Variants in LRRTM4 observed in about 807,000 individuals in gnomAD.
The protein encoded by LRRTM4 is leucine-rich repeat transmembrane neuronal protein 4.
Under a neutral mutation model 47.6 loss-of-function variants are expected in LRRTM4, and 25 were observed. The observed-to-expected ratio is 0.53, with a 90% confidence interval of 0.38 to 0.73. The LOEUF (loss-of-function observed/expected upper bound fraction) is 0.73, where lower values mean the gene tolerates loss of function less well. Ranked by LOEUF, LRRTM4 falls within the 30% of genes least tolerant of loss-of-function variation. The pLI is 0.00. For missense variants in LRRTM4, 638 were observed against 713.4 expected (o/e 0.89, Z 1.20); for synonymous variants, 311 against 269.5 (o/e 1.15, Z -1.51).
At chr2:77,485,662 C>T (rs918080982) in intron 3 of LRRTM4, among the ~76,000 whole-genome samples, 3 of 152,150 alleles carry the variant, frequency 2.0e-5, no homozygotes, top group Non-Finnish European at 4.4e-5. Flanking sequence ...ACAAGACAGC[C>T]TGGAAGCACT....
chr2:77,170,504 G>A (rs1673016036), intron 3 of LRRTM4, among the ~76,000 whole-genome samples: 1 of 152,050 alleles, frequency 6.6e-6, no homozygotes, highest in Admixed American at 6.6e-5. Context: ...GAGAAACCTG[G>A]GTGAGACTTC....
intron 3 of LRRTM4, among the ~76,000 whole-genome samples, chr2:77,079,704 T>C (rs1680468727): frequency 6.6e-6 from 1 of 152,164 alleles, no homozygotes; most frequent in Admixed American, 6.5e-5. Context: ...ATTCCTGATC[T>C]TCCTGTTTCT....
intron 3 of LRRTM4, among the ~76,000 whole-genome samples, chr2:76,814,299 T>A (rs972778034): frequency 6.6e-6 from 1 of 152,146 alleles, no homozygotes; most frequent in African/African-American, 2.4e-5. Flanking sequence ...TTAAGCCAAG[T>A]GTTACAACAA....
intron 3 of LRRTM4, among the ~76,000 whole-genome samples, chr2:76,905,145 G>T (rs1196451264): frequency 6.6e-6 from 1 of 152,100 alleles, no homozygotes; most frequent in East Asian, 1.9e-4. Flanking sequence ...ACTCCTCTGA[G>T]ACAAAACTTC....
At chr2:77,439,044 G>C (rs890947600) in intron 3 of LRRTM4, among the ~76,000 whole-genome samples, 8 of 152,100 alleles carry the variant, frequency 5.3e-5, no homozygotes, top group African/African-American at 1.9e-4. Flanking sequence ...AACTCAAAAC[G>C]TCTCTTATAG....
At position 77,372,508 on chromosome 2, in the gene LRRTM4, C is replaced by A. The variant is rs558129151; in HGVS notation, c.1551+145810G>T. On this transcript the variant is annotated intron_variant, in intron 3 of 3. Coordinates refer to ENST00000409884, the MANE Select transcript of LRRTM4 (RefSeq NM_001134745.3). The stretch of plus-strand genomic sequence containing the variant: ...CAAGAATAATGCTGATTTTGGAATG[C>A]CCTTACTAATAAATCATAAATCACC... Among the ~76,000 whole-genome samples, 26 of 151,728 alleles carry A rather than the reference C, an allele frequency of 1.7e-4. No individual in the cohort carries two copies. The South Asian group carries it at 5.4e-3, about 31-fold the overall frequency.
At chr2:76,866,677 T>C (rs1672478362) in intron 3 of LRRTM4, among the ~76,000 whole-genome samples, 2 of 152,196 alleles carry the variant, frequency 1.3e-5, no homozygotes, top group Admixed American at 1.3e-4. Flanking sequence ...AATGATAGAC[T>C]GAACTGAAAA....
At chr2:76,933,357 G>A (rs1462828167) in intron 3 of LRRTM4, among the ~76,000 whole-genome samples, 1 of 151,934 alleles carries the variant, frequency 6.6e-6, no homozygotes, top group East Asian at 1.9e-4. Flanking sequence ...GCAAAAATAG[G>A]CATGTTTTTA....
intron 3 of LRRTM4, among the ~76,000 whole-genome samples, chr2:77,210,966 G>T (rs913073393): frequency 6.6e-6 from 1 of 152,104 alleles, no homozygotes; most frequent in East Asian, 1.9e-4. Context: ...CCTGGAATGT[G>T]TAATGGATGT....
At chr2:77,268,692 T>A (rs1676116067) in intron 3 of LRRTM4, among the ~76,000 whole-genome samples, 3 of 152,106 alleles carry the variant, frequency 2.0e-5, no homozygotes, top group Non-Finnish European at 4.4e-5. Context: ...ATTTTAACTC[T>A]ATGAAAACAA....
chr2:77,411,207 A>G (rs1165713086), intron 3 of LRRTM4, among the ~76,000 whole-genome samples: 1 of 152,072 alleles, frequency 6.6e-6, no homozygotes, highest in African/African-American at 2.4e-5. Flanking sequence ...ACAAGAGTCC[A>G]CTGGCAGTCT....
At chr2:77,389,771 C>T (rs902437345) in intron 3 of LRRTM4, among the ~76,000 whole-genome samples, 1 of 152,022 alleles carries the variant, frequency 6.6e-6, no homozygotes, top group African/African-American at 2.4e-5. Context: ...ATATAATAGC[C>T]AACCTCCCTT....
chr2:77,221,058 C>A (rs1674612673), intron 3 of LRRTM4, among the ~76,000 whole-genome samples: 1 of 152,162 alleles, frequency 6.6e-6, no homozygotes, highest in Admixed American at 6.5e-5. Context: ...ATTCAACATT[C>A]TTAAAGAAAA....
At chr2:77,155,380 A>G (rs1391357584) in intron 3 of LRRTM4, among the ~76,000 whole-genome samples, 1 of 151,928 alleles carries the variant, frequency 6.6e-6, no homozygotes, top group Non-Finnish European at 1.5e-5. Flanking sequence ...TTACACTGAA[A>G]TGATCGAAAT....
intron 3 of LRRTM4, among the ~76,000 whole-genome samples, chr2:77,203,962 C>A (rs1674051367): frequency 6.6e-6 from 1 of 152,154 alleles, no homozygotes; most frequent in Admixed American, 6.5e-5. Context: ...CTATAGCAAT[C>A]CTAGACCTGA....
Position 77,365,056 on chromosome 2 carries a change from T to A in LRRTM4, c.1551+153262A>T, listed in dbSNP as rs375481596. ...AAATTTTCTATCTTCAGGGTAGAAG[T>A]TGAACACTAATGAGATATAAGAACT... is the stretch of plus-strand genomic sequence containing the variant. On this transcript the variant is annotated intron_variant, in intron 3 of 3. Coordinates refer to ENST00000409884, the MANE Select transcript of LRRTM4 (RefSeq NM_001134745.3). Among the ~76,000 whole-genome samples, 52 of 152,126 alleles carry A rather than the reference T, an allele frequency of 3.4e-4. 1 individual carries two copies. In the South Asian group the frequency reaches 0.011, roughly 32 times the overall value.
intron 3 of LRRTM4, among the ~76,000 whole-genome samples, chr2:77,515,184 C>T (rs752447254): frequency 1.2e-4 from 18 of 151,944 alleles, no homozygotes; most frequent in Non-Finnish European, 2.5e-4. Flanking sequence ...TTACTCATAA[C>T]TATCTACTCT....
intron 3 of LRRTM4, among the ~76,000 whole-genome samples, chr2:77,334,513 C>A (rs1671090199): frequency 6.6e-6 from 1 of 152,152 alleles, no homozygotes; most frequent in Non-Finnish European, 1.5e-5. Context: ...TAATTTTCTG[C>A]ACAAGCTCTC....
chr2:77,080,183 C>A (rs1042800706), intron 3 of LRRTM4, among the ~76,000 whole-genome samples: 3 of 152,176 alleles, frequency 2.0e-5, no homozygotes, highest in African/African-American at 7.2e-5. Context: ...AACTTAATAA[C>A]TCCCTTGAAA....
Sources: gnomAD v4.1 joint callset for allele counts (sites outside exome capture counted in the v4.1 genomes callset) on GRCh38, gnomAD v4.1.1 for gene constraint, MANE v1.5 for transcripts, NCBI Gene and HGNC (gene_info 2026-07-23, HGNC 2026-07-21) for gene names.